Variants in BZW2 observed in about 807,000 individuals in gnomAD.
BZW2 encodes basic leucine zipper and W2 domains 2.
In BZW2, 23 loss-of-function variants were observed where a neutral mutation model predicts 53.2. The observed-to-expected ratio is 0.43, with a 90% CI of 0.31 to 0.61. BZW2 has a LOEUF of 0.61. BZW2 is among the 20% of genes least tolerant of loss of function. The pLI is 0.09. For missense variants in BZW2, 409 were observed against 503.1 expected (o/e 0.81, Z 1.79); for synonymous variants, 227 against 186.4 (o/e 1.22, Z -1.77).
At chr7:16,679,492 T>C (rs188005626) in intron 3 of BZW2, among the ~76,000 whole-genome samples, 130 of 152,346 alleles carry the variant, frequency 8.5e-4, no homozygotes, top group African/African-American at 3.0e-3. Flanking sequence ...CTCCAAAAAC[T>C]AATTTACTTA....
chr7:16,665,812 T>G (rs1487236531), intron 2 of BZW2, among the ~76,000 whole-genome samples: 1 of 152,204 alleles, frequency 6.6e-6, no homozygotes, highest in African/African-American at 2.4e-5. Flanking sequence ...GTATTTGGTT[T>G]TTGCTTTCTT....
At chr7:16,685,376 T>C (rs1015816012) in intron 5 of BZW2, among the ~76,000 whole-genome samples, 2 of 151,870 alleles carry the variant, frequency 1.3e-5, no homozygotes, top group African/African-American at 4.8e-5. Context: ...GAAAAGTATA[T>C]ATTAAATGTC....
chr7:16,655,242 A>T (rs148269748), intron 1 of BZW2, among the ~76,000 whole-genome samples: 3,411 of 152,360 alleles, frequency 0.022, 101 homozygotes, highest in African/African-American at 0.076. Flanking sequence ...AAAAAGTTTC[A>T]TAAATCTATT....
chr7:16,674,692 G>C lies in BZW2; in HGVS notation c.235+104G>C. On this transcript the variant is annotated intron_variant, in intron 3 of 11. Transcript: ENST00000258761. ...TCTTTATAAGTTTATGTTTATTAGA[G>C]TTAATAAAAATACAAATGGAAGCCT... The C allele has an allele frequency of 7.7e-6, 8 of 1,034,768 alleles. 1 individual carries two copies. The highest frequency in any genetic ancestry group is 1.0e-5 in the Non-Finnish European group (8 of 777,464). 64.1% of individuals were successfully genotyped at this position (1,034,768 alleles called of 1,614,324 possible). A position where few individuals can be genotyped will look rare whatever the true frequency, so the allele number is the denominator to read the frequency against.
chr7:16,689,495 A>G (rs561641196), intron 6 of BZW2, among the ~76,000 whole-genome samples: 1 of 152,366 alleles, frequency 6.6e-6, no homozygotes, highest in Admixed American at 6.5e-5. Flanking sequence ...AATAACACCA[A>G]AGATACTGGG....
intron 8 of BZW2, among the ~76,000 whole-genome samples, chr7:16,696,432 T>C (rs747274741): frequency 7.2e-5 from 11 of 152,228 alleles, no homozygotes; most frequent in Non-Finnish European, 1.2e-4. Flanking sequence ...AACTTTTCAC[T>C]GAGATGGGGC....
At chr7:16,647,587 T>C (rs1157133573) in intron 1 of BZW2, among the ~76,000 whole-genome samples, 1 of 152,218 alleles carries the variant, frequency 6.6e-6, no homozygotes, top group African/African-American at 2.4e-5. Flanking sequence ...GAAAATGGTT[T>C]GAAATTATTC....
In BZW2 at chr7:16,694,873, G is replaced by T; in HGVS notation, c.691G>T (p.Ala231Ser). Residue 231 changes from alanine (A) to serine (S), a missense_variant, in exon 8 of 12, where the codon GCT becomes TCT. Ala to Ser is a moderately conservative substitution (Grantham distance 99, BLOSUM62 1). Around this residue, in one of 3 missense-constraint regions of BZW2, gnomAD observed 316 missense variants for 366.8 expected, o/e 0.86. Transcript: ENST00000258761. Reference protein sequence around the residue: ...PVNRQSVDHFAKYFTDAGLKE... With the variant: ...PVNRQSVDHFSKYFTDAGLKE... ...TAACAGACAGAGTGTGGATCATTTT[G>T]CTAAATACTTCACTGACGCAGGTCT... 6.4e-7 allele frequency: 1 copy of T among 1,560,732 alleles called. No homozygotes were observed. The highest frequency in any genetic ancestry group is 1.2e-5 in the South Asian group (1 of 85,788).
At chr7:16,685,872 T>C in intron 5 of BZW2, 33 bp from the exon 6 acceptor site, 1 of 1,468,446 alleles carries the variant, frequency 6.8e-7, no homozygotes, top group Non-Finnish European at 9.0e-7. Flanking sequence ...TTCTTTTTCT[T>C]TTTCTTTTTT....
chr7:16,705,976 G>A (rs1208772157), intron 11 of BZW2, 84 bp from the exon 12 acceptor site: 3 of 1,504,146 alleles, frequency 2.0e-6, no homozygotes, highest in Non-Finnish European at 2.8e-6. Context: ...CAATGGCAGG[G>A]TTCTGGGTTG....
intron 2 of BZW2, among the ~76,000 whole-genome samples, chr7:16,666,193 C>G (rs1163504584): frequency 6.6e-6 from 1 of 152,066 alleles, no homozygotes; most frequent in African/African-American, 2.4e-5. Flanking sequence ...CACCTGGGCT[C>G]AAGTGGTCCT....
At chr7:16,687,662 A>G (rs1298360117) in intron 6 of BZW2, 1 of 152,202 alleles carries the variant, frequency 6.6e-6, no homozygotes, top group Non-Finnish European at 1.5e-5. Flanking sequence ...TTGGGGCTAC[A>G]GTGAGCTATA....
chr7:16,675,817 C>G (rs1461970724), intron 3 of BZW2, among the ~76,000 whole-genome samples: 2 of 152,220 alleles, frequency 1.3e-5, no homozygotes, highest in South Asian at 4.1e-4. Context: ...TGGTGGCTCA[C>G]GCCTGTAATC....
rs571510654 is a variant in BZW2 at position 16,655,970 on chromosome 7, T to C, written c.-7-9467T>C. Among the ~76,000 whole-genome samples the C allele has an allele frequency of 1.1e-3, 169 of 151,916 alleles. 2 individuals carry two copies. Among genetic ancestry groups the C allele is most frequent in the South Asian group, 2.1e-3 (10 of 4,800 alleles). On this transcript the variant is annotated intron_variant, in intron 1 of 11. Transcript: ENST00000258761. ...CAGTATTTATTCTGTAAAAATAAGA[T>C]ACTTTTCTTACAGAACCACAGTGCA... is the stretch of plus-strand genomic sequence containing the variant.
chr7:16,652,805 A>G (rs944939162), intron 1 of BZW2, among the ~76,000 whole-genome samples: 6 of 152,224 alleles, frequency 3.9e-5, no homozygotes, highest in Admixed American at 3.3e-4. Context: ...GATTACAGGC[A>G]TGAGCCACCA....
chr7:16,683,880 C>T (rs1171754142), intron 5 of BZW2, among the ~76,000 whole-genome samples: 1 of 152,102 alleles, frequency 6.6e-6, no homozygotes, highest in Non-Finnish European at 1.5e-5. Flanking sequence ...CCTAACTGCA[C>T]CCCACCCCAC....
intron 10 of BZW2, among the ~76,000 whole-genome samples, chr7:16,701,309 G>T (rs1054366216): frequency 6.6e-6 from 1 of 151,976 alleles, no homozygotes; most frequent in Admixed American, 6.6e-5. Flanking sequence ...ACTCAGCATG[G>T]TCTAAAATGT....
At chr7:16,697,920 A>G (rs1583752774) in intron 9 of BZW2, 128 bp from the exon 10 acceptor site, 1 of 1,164,810 alleles carries the variant, frequency 8.6e-7, no homozygotes, top group Non-Finnish European at 1.2e-6. Context: ...CAATATGATG[A>G]TAAAAGGTGT....
At chr7:16,678,822 G>C (rs922279825) in intron 3 of BZW2, among the ~76,000 whole-genome samples, 1 of 151,692 alleles carries the variant, frequency 6.6e-6, no homozygotes, top group South Asian at 2.1e-4. Context: ...TGGGTCTCGG[G>C]GGGTGACATC....
Sources: allele counts gnomAD v4.1 joint callset (sites outside exome capture counted in the v4.1 genomes callset), GRCh38; gene constraint gnomAD v4.1.1; regional missense constraint gnomAD v4.1.1; transcripts MANE v1.5; gene names NCBI Gene and HGNC (gene_info 2026-07-23, HGNC 2026-07-21).